PDE4D: variants seen among roughly 807,000 people sequenced by gnomAD.
PDE4D encodes the protein 3',5'-cyclic-AMP phosphodiesterase 4D.
A neutral mutation model predicts 87.4 loss-of-function variants in PDE4D; 24 were observed. The observed-to-expected ratio is 0.27, with a 90% CI of 0.20 to 0.39. The LOEUF is 0.39. Ranked by LOEUF, PDE4D falls within the 10% of genes least tolerant of loss-of-function variation. The pLI is 1.00. For synonymous variants in PDE4D, 384 were observed against 383.2 expected, an observed-to-expected ratio of 1.00 and a Z score of -0.02; for missense variants, 714 against 1,041.0, an observed-to-expected ratio of 0.69 and a Z score of 4.32.
At chr5:59,800,296 A>C (rs1443103253) in intron 1 of PDE4D, among the ~76,000 whole-genome samples, 2 of 152,124 alleles carry the variant, frequency 1.3e-5, no homozygotes, top group Admixed American at 6.6e-5. Flanking sequence ...GAACTACAAA[A>C]GCTCGCAAAG....
chr5:60,074,905 T>A (rs772235627), intron 2 of PDE4D, among the ~76,000 whole-genome samples: 6 of 152,194 alleles, frequency 3.9e-5, no homozygotes, highest in Non-Finnish European at 7.4e-5. Flanking sequence ...TCACCGCATA[T>A]GAGATGGGTC....
intron 2 of PDE4D, among the ~76,000 whole-genome samples, chr5:60,159,775 A>AC (rs1180470161): frequency 6.6e-6 from 1 of 152,278 alleles, no homozygotes; most frequent in South Asian, 2.1e-4. Context: ...TTTGATTCTC[A>AC]CCTTCCTCTT....
intron 1 of PDE4D, among the ~76,000 whole-genome samples, chr5:60,257,345 A>G (rs1158174863): frequency 6.6e-6 from 1 of 151,886 alleles, no homozygotes; most frequent in Admixed American, 6.6e-5. Flanking sequence ...TCTACACAAA[A>G]CTTTCGCTAT....
chr5:59,573,800 C>G (rs1189064435), intron 1 of PDE4D, among the ~76,000 whole-genome samples: 1 of 151,160 alleles, frequency 6.6e-6, no homozygotes, highest in African/African-American at 2.4e-5. Context: ...GAGTTCGAGA[C>G]CAGCCAGGCC....
At chr5:59,917,821 A>G (rs1428521251) in intron 3 of PDE4D, among the ~76,000 whole-genome samples, 1 of 152,100 alleles carries the variant, frequency 6.6e-6, no homozygotes, top group East Asian at 1.9e-4. Context: ...AATATAACCT[A>G]ATATTCTTGT....
At position 60,333,915 on chromosome 5, in the gene PDE4D, C is replaced by T. The variant is rs186326703; in HGVS notation, c.-89-148228G>A. On this transcript the variant is annotated intron_variant, in intron 1 of 16. Coordinates refer to the PDE4D transcript ENST00000502484. ...AAAAATACGGAAATACACAACGGGT[C>T]AATATCAAGTCCAGATAAGCTTTCT... Among the ~76,000 whole-genome samples, 38 of 152,200 alleles carry T rather than the reference C, an allele frequency of 2.5e-4. No homozygotes were observed. The East Asian group carries it at 5.8e-3, about 23-fold the overall frequency.
chr5:59,723,883 CA>C (rs1156737195), intron 1 of PDE4D, among the ~76,000 whole-genome samples: 1 of 152,022 alleles, frequency 6.6e-6, no homozygotes, highest in Non-Finnish European at 1.5e-5. Context: ...AATTTTATCC[CA>C]AAAAGGGAAA....
At chr5:59,523,634 G>A (rs766825273) in intron 1 of PDE4D, among the ~76,000 whole-genome samples, 9 of 152,190 alleles carry the variant, frequency 5.9e-5, no homozygotes, top group African/African-American at 9.7e-5. Context: ...TTAATAAGCT[G>A]CTTTGTAAAT....
chr5:60,472,611 T>C (rs1747896517), intron 1 of PDE4D, among the ~76,000 whole-genome samples: 1 of 152,172 alleles, frequency 6.6e-6, no homozygotes, highest in Non-Finnish European at 1.5e-5. Flanking sequence ...CCAAATCTTA[T>C]TGTGTTCAAC....
chr5:59,580,355 A>C (rs1026460837), intron 1 of PDE4D, among the ~76,000 whole-genome samples: 2 of 152,218 alleles, frequency 1.3e-5, no homozygotes, highest in Non-Finnish European at 2.9e-5. Flanking sequence ...GATGTAACTT[A>C]TGTGAAAACA....
chr5:59,589,479 T>C (rs1004921466), intron 1 of PDE4D, among the ~76,000 whole-genome samples: 1 of 152,194 alleles, frequency 6.6e-6, no homozygotes, highest in African/African-American at 2.4e-5. Flanking sequence ...TGATGGGTTT[T>C]AATTATTTTA....
chr5:59,297,525 C>T lies in PDE4D; in HGVS notation c.456-81557G>A, dbSNP rs376514680. 1.2e-4 allele frequency among the ~76,000 whole-genome samples: 18 copies of T among 152,206 alleles called. No individual in the cohort carries two copies. In the South Asian group the frequency reaches 2.1e-3, roughly 18 times the overall value. On this transcript the variant is annotated intron_variant, in intron 1 of 14. Coordinates refer to ENST00000340635, the MANE Select transcript of PDE4D (RefSeq NM_001104631.2). ...GACATAATGTCCATGAAAACCACCA[C>T]ATTATTGCTTTATTTGCTTCACAGG...
At chr5:59,528,778 CAT>C in intron 1 of PDE4D, 1 of 191,382 alleles carries the variant, frequency 5.2e-6, no homozygotes. Context: ...GAATAGAAAA[CAT>C]AGGGAACAGA....
At chr5:60,114,925 A>G (rs1559276) in intron 2 of PDE4D, among the ~76,000 whole-genome samples, 151 of 126,018 alleles carry the variant, frequency 1.2e-3, no homozygotes, top group African/African-American at 4.1e-3. Context: ...ATATAATCAC[A>G]TAGATTAGAT....
chr5:59,420,824 C>T (rs762958752), intron 1 of PDE4D, among the ~76,000 whole-genome samples: 13 of 151,886 alleles, frequency 8.6e-5, no homozygotes, highest in Non-Finnish European at 1.5e-4. Flanking sequence ...CATCTTACAT[C>T]GGATACCGGC....
intron 1 of PDE4D, among the ~76,000 whole-genome samples, chr5:59,604,490 T>C (rs1375725827): frequency 1.3e-5 from 2 of 151,986 alleles, no homozygotes; most frequent in African/African-American, 4.8e-5. Context: ...CAATTATTAA[T>C]GCAACGTAAG....
chr5:60,462,801 TC>T (rs1583844641), intron 1 of PDE4D, among the ~76,000 whole-genome samples: 1 of 152,190 alleles, frequency 6.6e-6, no homozygotes, highest in African/African-American at 2.4e-5. Flanking sequence ...TCCAGCATTT[TC>T]CCCCTCATTG....
At chr5:59,198,617 T>G (rs1316168054) in intron 2 of PDE4D, among the ~76,000 whole-genome samples, 1 of 152,182 alleles carries the variant, frequency 6.6e-6, no homozygotes, top group Non-Finnish European at 1.5e-5. Context: ...ACTTGCTGAG[T>G]CCTGAGCCAG....
At chr5:60,085,340 C>A (rs1178960278) in intron 2 of PDE4D, among the ~76,000 whole-genome samples, 1 of 152,146 alleles carries the variant, frequency 6.6e-6, no homozygotes, top group African/African-American at 2.4e-5. Context: ...AGACTCATGT[C>A]CTTTCAGAAA....
Sources: gnomAD v4.1 joint callset for allele counts (sites outside exome capture counted in the v4.1 genomes callset) on GRCh38, gnomAD v4.1.1 for gene constraint, MANE v1.5 for transcripts, NCBI Gene and HGNC (gene_info 2026-07-23, HGNC 2026-07-21) for gene names.